The following CLCNKB variants were observed in gnomAD, a reference collection of about 807,000 sequenced individuals.
The protein encoded by CLCNKB is chloride channel protein ClC-Kb.
Under a neutral mutation model 83.8 loss-of-function variants are expected in CLCNKB, and 74 were observed. That is an observed-to-expected ratio of 0.88 (90% CI 0.73 to 1.07). The LOEUF (loss-of-function observed/expected upper bound fraction) is 1.07. CLCNKB is among the 50% of genes least tolerant of loss of function. The probability of loss-of-function intolerance (pLI) is 0.00; values close to 1 mark genes in which losing one functional copy is unlikely to be tolerated. For missense variants in CLCNKB, 798 were observed against 893.6 expected (o/e 0.89, Z 1.36); for synonymous variants, 358 against 356.6 (o/e 1.00, Z -0.04).
chr1:16,049,402 G>GCTGACCTGTGTTGAGCCC (rs912767363), intron 8 of CLCNKB, among the ~76,000 whole-genome samples, 157 bp downstream of exon 8: 1 of 152,168 alleles, frequency 6.6e-6, no homozygotes, highest in Admixed American at 6.5e-5. Context: ...GATGGAGGGG[G>GCTGACCTGTGTTGAGCCC]CTGACCTGTG....
Position 16,049,848 on chromosome 1 carries a change from C to A in CLCNKB, c.900C>A (p.Leu300=), listed in dbSNP as rs759479913. 3 of 1,613,748 alleles carry A rather than the reference C, an allele frequency of 1.9e-6. No homozygotes were observed. In the African/African-American group the frequency reaches 4.0e-5, roughly 22 times the overall value. ...GLCGILGSAY[L]FCQRIFFGFI... is the part of the protein sequence containing the mutation. ...GTGGCATCCTGGGCAGCGCTTACCT[C>A]TTCTGTCAGCGAATCTTCTTTGGCT... Residue 300 remains leucine (L), a synonymous_variant, in exon 10 of 20, where the codon CTC becomes CTA. Transcript: ENST00000375679.
intron 19 of CLCNKB, 135 bp from the exon 20 acceptor site, chr1:16,056,734 C>T (rs1183785590): frequency 1.4e-5 from 13 of 952,372 alleles, no homozygotes; most frequent in East Asian, 2.6e-5. Flanking sequence ...CCTCAGTGAT[C>T]CCATCTGTGC....
Position 16,049,885 on chromosome 1 carries a change from A to T in CLCNKB, c.937A>T (p.Asn313Tyr). 1 of 1,613,854 alleles carries T rather than the reference A, an allele frequency of 6.2e-7. No individual in the cohort carries two copies. The highest frequency in any genetic ancestry group is 8.5e-7 in the Non-Finnish European group (1 of 1,179,894). The change falls in exon 10 of 20, where the codon AAT becomes TAT. Residue 313 changes from asparagine to tyrosine, a missense_variant. By Grantham distance (143) the Asn-to-Tyr change is moderately radical (BLOSUM62 -2). Coordinates refer to ENST00000375679, the MANE Select transcript of CLCNKB (RefSeq NM_000085.5). ...AATCTTCTTTGGCTTCATCAGGAACAATAGGTTCAGCTCCAAACTGCTGGC... is the reference window on the plus strand; with the variant it reads ...AATCTTCTTTGGCTTCATCAGGAACTATAGGTTCAGCTCCAAACTGCTGGC... ...QRIFFGFIRN[N>Y]RFSSKLLATS...
chr1:16,053,206 T>G (rs184410981), intron 15 of CLCNKB, among the ~76,000 whole-genome samples: 1 of 152,214 alleles, frequency 6.6e-6, no homozygotes, highest in East Asian at 1.9e-4. Context: ...TTTTGTAATT[T>G]TAGTGGAGAC....
At chr1:16,056,840 C>G (rs200233851) in intron 19 of CLCNKB, 29 bp from the exon 20 acceptor site, 1 of 1,038,026 alleles carries the variant, frequency 9.6e-7, no homozygotes, top group Non-Finnish European at 1.5e-6. Flanking sequence ...TACATCCCCC[C>G]GCACCTCCAC....
At chr1:16,055,098 G>C (rs1239074024) in intron 16 of CLCNKB, among the ~76,000 whole-genome samples, 1 of 152,154 alleles carries the variant, frequency 6.6e-6, no homozygotes, top group African/African-American at 2.4e-5. Context: ...AGAAAGCCCA[G>C]CCCTGACACA....
Position 16,055,415 on chromosome 1 carries a change from G to T in CLCNKB, c.1757-20G>T, listed in dbSNP as rs773954349. On this transcript the variant is annotated intron_variant, in intron 16 of 19. Transcript: ENST00000375679. ...TTTCCTCCTAATGTGCCTCCCTCTG[G>T]CTGTCTCTCCACTTGCCAGAGTCCC... The T allele has an allele frequency of 2.2e-5, 36 of 1,606,940 alleles. 1 individual carries two copies. The South Asian group carries it at 3.7e-4, about 17-fold the overall frequency.
In CLCNKB at chr1:16,045,685, A is replaced by C. The variant is rs1260049089; in HGVS notation, c.228A>C (p.Arg76=). The C allele has an allele frequency of 1.9e-6, 3 of 1,590,730 alleles. No homozygotes were observed. In the East Asian group the frequency reaches 7.0e-5, roughly 37 times the overall value. ...ACTTGGCTGTTGAGAGTGTGGTCCG[A>C]GGTAACCCCTCCATGGCAGGTGCTG... The part of the protein sequence containing the change: ...AMDLAVESVV[R]AHQWLYREIG... The change falls in exon 3 of 20, where the codon CGA becomes CGC. Residue 76 remains arginine, a splice_region_variant and synonymous_variant. Transcript: ENST00000375679.
At chr1:16,046,114 G>T (rs1217923399) in intron 3 of CLCNKB, among the ~76,000 whole-genome samples, 1 of 152,206 alleles carries the variant, frequency 6.6e-6, no homozygotes, top group Non-Finnish European at 1.5e-5. Flanking sequence ...GGCAGGAAGG[G>T]TCTAAGACAC....
rs199907733 is a variant in CLCNKB, at chr1:16,052,520, G to GGGGGCTGGGA, written c.1622+116_1622+117insGGAGGGGCTG. ...CGCCACCGTAGCTGACCTCGGACAT[G>GGGGGCTGGGA]GGGGCTGACACACAGCTGTGCTCTG... is the stretch of plus-strand genomic sequence containing the variant. On this transcript the variant is annotated intron_variant, in intron 15 of 19. Coordinates refer to ENST00000375679, the MANE Select transcript of CLCNKB (RefSeq NM_000085.5). The GGGGGCTGGGA allele has an allele frequency of 0.17, 232,014 of 1,347,072 alleles. 22,051 individuals carry two copies. Among genetic ancestry groups the GGGGGCTGGGA allele is most frequent in the East Asian group, 0.25 (10,076 of 41,116 alleles). 83.4% of individuals were successfully genotyped at this position (1,347,072 alleles called of 1,614,324 possible).
intron 2 of CLCNKB, 109 bp downstream of exon 2, chr1:16,044,701 T>A (rs2023046314): frequency 1.2e-5 from 11 of 944,334 alleles, no homozygotes; most frequent in Non-Finnish European, 1.8e-5. Context: ...TCCTGGCATT[T>A]GTCCAGGACA....
chr1:16,049,239 G>A lies in CLCNKB; in HGVS notation c.775G>A (p.Glu259Lys), dbSNP rs1411628789. The change falls in exon 8 of 20, where the codon GAG becomes AAG. Residue 259 changes from glutamate to lysine, a missense_variant. By Grantham distance (56) the Glu-to-Lys change is moderately conservative (BLOSUM62 1). Coordinates refer to ENST00000375679, the MANE Select transcript of CLCNKB (RefSeq NM_000085.5). Reference protein sequence around the residue: ...MFRLLAVFNSEQETITSLYKT... With the variant: ...MFRLLAVFNSKQETITSLYKT... ...CCGGCTCCTGGCGGTCTTCAACAGC[G>A]AGCAGGGTGAGCCCCCTGGGCTGCC... is the stretch of plus-strand genomic sequence containing the variant. 3.1e-6 allele frequency: 5 copies of A among 1,613,600 alleles called. No individual in the cohort carries two copies. The highest frequency in any genetic ancestry group is 1.3e-5 in the African/African-American group (1 of 74,884).
At chr1:16,053,805 G>C in intron 16 of CLCNKB, 33 bp downstream of exon 16, 1 of 1,613,000 alleles carries the variant, frequency 6.2e-7, no homozygotes, top group Non-Finnish European at 8.5e-7. Context: ...GAAGTCGGGG[G>C]TAGGGGATGC....
intron 19 of CLCNKB, 104 bp downstream of exon 19, chr1:16,056,612 A>G: frequency 4.3e-6 from 5 of 1,168,182 alleles, no homozygotes; most frequent in Non-Finnish European, 6.3e-6. Context: ...TCCCATCCAA[A>G]CCTGGGGGGA....
chr1:16,052,445 G>A lies in CLCNKB; in HGVS notation c.1622+34G>A, dbSNP rs780290035. 13 of 1,613,044 alleles carry A rather than the reference G, an allele frequency of 8.1e-6. No homozygotes were observed. The South Asian group carries it at 9.9e-5, about 12-fold the overall frequency. ...TGCCCACCTCAGGCTGACTGAAGGG[G>A]GTCACAGTGTTTGGGAAGGGCTGGG... is the stretch of plus-strand genomic sequence containing the variant. On this transcript the variant is annotated intron_variant, in intron 15 of 19. Transcript: ENST00000375679.
At chr1:16,050,800 G>A in intron 11 of CLCNKB, 75 bp from the exon 12 acceptor site, 4 of 1,601,442 alleles carry the variant, frequency 2.5e-6, no homozygotes, top group Middle Eastern at 2.0e-4. Flanking sequence ...TCCAGGCGGG[G>A]TCAGGCGGTG....
intron 15 of CLCNKB, 39 bp from the exon 16 acceptor site, chr1:16,053,600 C>T (rs1225351985): frequency 3.7e-6 from 6 of 1,613,620 alleles, no homozygotes; most frequent in East Asian, 2.2e-5. Context: ...GTCTCACATC[C>T]CTGACTGTGG....
rs138768237 is a variant in CLCNKB, at chr1:16,045,562, C to T, written c.105C>T (p.Gly35=). The T allele has an allele frequency of 1.2e-6, 2 of 1,613,328 alleles. No homozygotes were observed. The highest frequency in any genetic ancestry group is 8.5e-7 in the Non-Finnish European group (1 of 1,179,546). Residue 35 remains glycine (G), a synonymous_variant, in exon 3 of 20, where the codon GGC becomes GGT. Coordinates refer to ENST00000375679, the MANE Select transcript of CLCNKB (RefSeq NM_000085.5). ...CPRIRRGIRG[G]LEWLKQKLFR... ...TGACCCCATGCCCTGCCCCAGGTGG[C>T]CTGGAGTGGCTGAAGCAGAAGCTCT...
rs781091568 is a variant in CLCNKB at position 16,045,597 on chromosome 1, G to A, written c.140G>A (p.Gly47Asp). ...CTGAAGCAGAAGCTCTTCCGCCTGG[G>A]CGAGGACTGGTACTTCCTGATGACC... ...EWLKQKLFRL[G>D]EDWYFLMTLG... The change falls in exon 3 of 20, where the codon GGC (glycine) becomes GAC (aspartate). Residue 47 changes from glycine (G) to aspartate (D), a missense_variant. Physicochemically the swap from Gly to Asp is moderately conservative, Grantham distance 94 (BLOSUM62 -1). Coordinates refer to ENST00000375679, the MANE Select transcript of CLCNKB (RefSeq NM_000085.5). The A allele has an allele frequency of 6.2e-7, 1 of 1,614,018 alleles. No homozygotes were observed. Among genetic ancestry groups the A allele is most frequent in the African/African-American group, 1.3e-5 (1 of 75,036 alleles).
Sources: gnomAD v4.1 joint callset for allele counts (sites outside exome capture counted in the v4.1 genomes callset) on GRCh38, gnomAD v4.1.1 for gene constraint, MANE v1.5 for transcripts, NCBI Gene and HGNC (gene_info 2026-07-23, HGNC 2026-07-21) for gene names.